HEPH: variants seen among roughly 807,000 people sequenced by gnomAD.
The protein encoded by HEPH is hephaestin.
A neutral mutation model predicts 80.8 loss-of-function variants in HEPH; 69 were observed. The ratio of observed to expected loss-of-function variants is 0.85; its 90% CI spans 0.70 to 1.04. The LOEUF is 1.04. Among genes scored for constraint, HEPH ranks in the 50% least tolerant of loss-of-function variants. The pLI, the probability that HEPH is intolerant of heterozygous loss-of-function variation, is 0.00. For missense variants in HEPH, 1,115 were observed against 891.3 expected, an observed-to-expected ratio of 1.25 and a Z score of -3.20; for synonymous variants, 431 against 322.8, an observed-to-expected ratio of 1.34 and a Z score of -3.60.
At chrX:66,219,372 G>A (rs138625134) in intron 15 of HEPH, among the ~76,000 whole-genome samples, 126 of 111,715 alleles carry the variant, frequency 1.1e-3, no homozygotes, top group Middle Eastern at 4.6e-3. Flanking sequence ...GCCTTTGATC[G>A]TCTATGTGTA....
chrX:66,206,051 A>C (rs2088755040), intron 13 of HEPH, among the ~76,000 whole-genome samples: 1 of 111,005 alleles, frequency 9.0e-6, no homozygotes, highest in African/African-American at 3.3e-5. Context: ...GCCTATTAGA[A>C]ATATCAAATG....
chrX:66,208,831 T>G lies in HEPH; in HGVS notation c.2563+585T>G, dbSNP rs979083259. Among the ~76,000 whole-genome samples the G allele has an allele frequency of 8.4e-5, 9 of 106,541 alleles. No homozygotes were observed. The South Asian group carries it at 3.5e-3, about 41-fold the overall frequency. The allele number at this position is 106,541 out of a possible 115,157, so 92.5% of individuals were successfully genotyped here. A position where few individuals can be genotyped will look rare whatever the true frequency, so the allele number is the denominator to read the frequency against. On this transcript the variant is annotated intron_variant, in intron 15 of 20. Coordinates refer to ENST00000343002, the MANE Select transcript of HEPH (RefSeq NM_001367233.3). ...GATCTCTATATACCCTTGGATACAG[T>G]ATGAGCTCCTAATCTTGACTAGAGA...
intron 16 of HEPH, 100 bp downstream of exon 16, chrX:66,255,241 C>A: frequency 2.1e-6 from 1 of 471,263 alleles, no homozygotes; most frequent in Non-Finnish European, 3.5e-6. Flanking sequence ...GATTCTAGAG[C>A]CTAGAATTTG....
chrX:66,244,245 A>G (rs1346859124), intron 15 of HEPH, among the ~76,000 whole-genome samples: 8 of 112,096 alleles, frequency 7.1e-5, no homozygotes, highest in Non-Finnish European at 1.5e-4. Flanking sequence ...TGAAATTTTC[A>G]TGGATATTTT....
At chrX:66,219,186 G>T (rs1227476732) in intron 15 of HEPH, among the ~76,000 whole-genome samples, 1 of 112,086 alleles carries the variant, frequency 8.9e-6, no homozygotes, top group Admixed American at 9.4e-5. Flanking sequence ...AGTACAGGTA[G>T]CAAGGAAGCA....
chrX:66,186,263 T>A (rs2087427276), intron 4 of HEPH, among the ~76,000 whole-genome samples: 2 of 81,112 alleles, frequency 2.5e-5, no homozygotes, highest in South Asian at 9.2e-4. Flanking sequence ...TTTGTTTACC[T>A]AAGCAAGCCT....
Position 66,266,917 on chromosome X carries a change from A to T in HEPH, c.*245A>T, listed in dbSNP as rs1023918484. 1.5e-5 allele frequency: 5 copies of T among 331,805 alleles called. No individual in the cohort carries two copies. Among genetic ancestry groups the T allele is most frequent in the Non-Finnish European group, 2.6e-5 (5 of 192,688 alleles). 27.3% of individuals were successfully genotyped at this position (331,805 alleles called of 1,213,427 possible). The stretch of plus-strand genomic sequence containing the variant: ...CTAAGGGAGTACCTTATTATCCTAC[A>T]TCGCAAATTTCAACAGCTACATTAT... On this transcript the variant is annotated 3_prime_UTR_variant, in exon 21 of 21. Transcript: ENST00000343002.
At chrX:66,177,793 C>T (rs2086878581) in intron 4 of HEPH, among the ~76,000 whole-genome samples, 1 of 110,719 alleles carries the variant, frequency 9.0e-6, no homozygotes, top group Admixed American at 9.6e-5. Context: ...TCTCTAGTTC[C>T]TTGAGGTGTG....
chrX:66,240,613 T>G (rs1455275865), intron 15 of HEPH, among the ~76,000 whole-genome samples: 2 of 99,530 alleles, frequency 2.0e-5, no homozygotes, highest in African/African-American at 7.3e-5. Flanking sequence ...ACAGAGAAAA[T>G]AAAATGAAAT....
chrX:66,163,117 G>A (rs1055930790), upstream of HEPH, among the ~76,000 whole-genome samples: 3 of 111,635 alleles, frequency 2.7e-5, no homozygotes, highest in African/African-American at 6.5e-5. Context: ...AGGGCTGGGA[G>A]GGTCCATATC....
At chrX:66,253,034 C>T (rs1408176863) in intron 15 of HEPH, among the ~76,000 whole-genome samples, 2 of 111,940 alleles carry the variant, frequency 1.8e-5, no homozygotes, top group Non-Finnish European at 3.8e-5. Context: ...CCTTCATAAC[C>T]TTGGATTAGG....
chrX:66,180,812 G>T (rs1211896599), intron 4 of HEPH, among the ~76,000 whole-genome samples: 2 of 84,632 alleles, frequency 2.4e-5, no homozygotes, highest in African/African-American at 4.4e-5. Flanking sequence ...GTGTCATCTA[G>T]CATTAGGTAT....
chrX:66,243,098 C>T (rs1172601885), intron 15 of HEPH, among the ~76,000 whole-genome samples: 2 of 111,558 alleles, frequency 1.8e-5, no homozygotes, highest in East Asian at 5.6e-4. Flanking sequence ...ATAGCATGAA[C>T]AGTGTATTGA....
upstream of HEPH, chrX:66,162,716 C>T (rs182883579): frequency 2.1e-4 from 247 of 1,153,275 alleles, no homozygotes; most frequent in Admixed American, 6.3e-4. Flanking sequence ...ACTTAAGAAT[C>T]TCTAGTGGTT....
chrX:66,186,626 G>C (rs767325818), intron 4 of HEPH, among the ~76,000 whole-genome samples: 1 of 111,805 alleles, frequency 8.9e-6, no homozygotes, highest in Non-Finnish European at 1.9e-5. Context: ...AGATGAACCC[G>C]GTACCTCAGA....
At chrX:66,219,614 C>A (rs1305992751) in intron 15 of HEPH, among the ~76,000 whole-genome samples, 1 of 111,398 alleles carries the variant, frequency 9.0e-6, no homozygotes, top group Non-Finnish European at 1.9e-5. Flanking sequence ...CTGTCTTGTG[C>A]CAAAGTACCA....
intron 15 of HEPH, among the ~76,000 whole-genome samples, chrX:66,221,103 G>A (rs980300779): frequency 1.8e-5 from 2 of 111,241 alleles, no homozygotes; most frequent in Admixed American, 9.5e-5. Flanking sequence ...CTCATGCTTC[G>A]GCTGTGCGTG....
At chrX:66,250,475 C>T (rs770293992) in intron 15 of HEPH, among the ~76,000 whole-genome samples, 6 of 111,207 alleles carry the variant, frequency 5.4e-5, no homozygotes, top group African/African-American at 9.8e-5. Context: ...TAATCACCAC[C>T]GCAATCAGGA....
intron 19 of HEPH, among the ~76,000 whole-genome samples, chrX:66,262,068 G>A (rs1159544562): frequency 1.8e-5 from 2 of 112,409 alleles, no homozygotes; most frequent in African/African-American, 6.5e-5. Flanking sequence ...CTATGACAAT[G>A]AGCCAGCCCA....
Sources: gnomAD v4.1 joint callset for allele counts (sites outside exome capture counted in the v4.1 genomes callset) on GRCh38, gnomAD v4.1.1 for gene constraint, MANE v1.5 for transcripts, NCBI Gene and HGNC (gene_info 2026-07-23, HGNC 2026-07-21) for gene names.